DOCK8: variants seen among roughly 807,000 people sequenced by gnomAD.
The protein encoded by DOCK8 is dedicator of cytokinesis 8, also known as dedicator of cytokinesis protein 8.
DOCK8 carries 141 observed loss-of-function variants against 245.6 expected under a neutral mutation model. The ratio of observed to expected loss-of-function variants is 0.57; its 90% CI spans 0.50 to 0.66. The LOEUF (loss-of-function observed/expected upper bound fraction) is 0.66. Ranked by LOEUF, DOCK8 falls within the 30% of genes least tolerant of loss-of-function variation. The pLI is 0.00. For synonymous variants in DOCK8, 1,168 were observed against 970.2 expected, an observed-to-expected ratio of 1.20 and a Z score of -3.79; for missense variants, 2,965 against 2,603.4, an observed-to-expected ratio of 1.14 and a Z score of -3.02.
chr9:413,100 A>G (rs1164568671), intron 28 of DOCK8, among the ~76,000 whole-genome samples: 1 of 152,204 alleles, frequency 6.6e-6, no homozygotes, highest in East Asian at 1.9e-4. Flanking sequence ...TCCAAAAATA[A>G]ATCTTCATAT....
chr9:302,864 A>T (rs1282982161), intron 4 of DOCK8, among the ~76,000 whole-genome samples: 2 of 152,120 alleles, frequency 1.3e-5, no homozygotes, highest in Non-Finnish European at 2.9e-5. Context: ...CATGTGGCTT[A>T]TGCTTGTAAT....
rs778114411 is a variant in DOCK8, at chr9:328,041, G to T, written c.914G>T (p.Cys305Phe). Reference protein sequence around the residue: ...ERKKISENFHCDLNSDQFKGF... With the variant: ...ERKKISENFHFDLNSDQFKGF... ...TTACAGATCTCAGAAAATTTTCACT[G>T]TGACCTGAACTCTGACCAGTTCAAA... is the stretch of plus-strand genomic sequence containing the variant. The change falls in exon 9 of 48, where the codon TGT becomes TTT. Residue 305 changes from cysteine (C) to phenylalanine (F), a missense_variant. Physicochemically the swap from Cys to Phe is radical, Grantham distance 205. Coordinates refer to ENST00000432829, the MANE Select transcript of DOCK8 (RefSeq NM_203447.4). 1.9e-6 allele frequency: 3 copies of T among 1,614,138 alleles called. No individual in the cohort carries two copies. The Admixed American group carries it at 5.0e-5, about 27-fold the overall frequency.
intron 1 of DOCK8, among the ~76,000 whole-genome samples, chr9:253,189 T>A (rs1042732779): frequency 4.6e-5 from 7 of 152,170 alleles, no homozygotes; most frequent in African/African-American, 1.4e-4. Context: ...CTGTATGAAA[T>A]TAGGTGGATA....
At chr9:350,054 T>C (rs77113604) in intron 14 of DOCK8, among the ~76,000 whole-genome samples, 3,757 of 152,320 alleles carry the variant, frequency 0.025, 162 homozygotes, top group African/African-American at 0.086. Flanking sequence ...AGGAATCTCC[T>C]TGTGCTCCTC....
intron 18 of DOCK8, among the ~76,000 whole-genome samples, chr9:374,379 A>G (rs2053427856): frequency 6.6e-6 from 1 of 151,298 alleles, no homozygotes. Flanking sequence ...AATTTTTTAC[A>G]TTGATTACAT....
chr9:394,153 T>C (rs955710306), intron 24 of DOCK8, among the ~76,000 whole-genome samples: 1 of 152,192 alleles, frequency 6.6e-6, no homozygotes, highest in Non-Finnish European at 1.5e-5. Flanking sequence ...CCCTTGTTTG[T>C]GCTCCTGTTG....
chr9:261,569 A>C (rs1587682705), intron 1 of DOCK8, among the ~76,000 whole-genome samples: 1 of 152,200 alleles, frequency 6.6e-6, no homozygotes, highest in Non-Finnish European at 1.5e-5. Flanking sequence ...TGCAAGAAGA[A>C]TGTGTACTCT....
chr9:299,651 A>G (rs1045255078), intron 4 of DOCK8, among the ~76,000 whole-genome samples: 4 of 151,506 alleles, frequency 2.6e-5, no homozygotes, highest in Admixed American at 1.3e-4. Context: ...CATTTCCCCA[A>G]TTTAGCCTGC....
intron 26 of DOCK8, among the ~76,000 whole-genome samples, chr9:400,058 CCTCCTT>C (rs1200107982): frequency 1.8e-5 from 2 of 108,688 alleles, no homozygotes; most frequent in Non-Finnish European, 1.8e-5. Flanking sequence ...ACCATCACCA[CCTCCTT>C]CACCATCACC....
intron 14 of DOCK8, among the ~76,000 whole-genome samples, chr9:349,215 A>G (rs2052044434): frequency 6.6e-6 from 1 of 152,198 alleles, no homozygotes; most frequent in Non-Finnish European, 1.5e-5. Context: ...ATTGTTTAAA[A>G]CCATGGCTAA....
chr9:237,889 A>T (rs1002647844), intron 1 of DOCK8, among the ~76,000 whole-genome samples: 2 of 151,614 alleles, frequency 1.3e-5, no homozygotes, highest in African/African-American at 4.8e-5. Context: ...ATTAATTTAG[A>T]ATTCATATTT....
At chr9:449,223 G>T in intron 44 of DOCK8, among the ~76,000 whole-genome samples, 1 of 152,186 alleles carries the variant, frequency 6.6e-6, no homozygotes, top group East Asian at 1.9e-4. Flanking sequence ...GGTGGTGCAT[G>T]CCTGTAATCC....
chr9:328,987 TCA>T (rs1487388812), intron 9 of DOCK8, among the ~76,000 whole-genome samples: 31 of 144,854 alleles, frequency 2.1e-4, no homozygotes, highest in African/African-American at 8.1e-4. Flanking sequence ...TTTGCTCTTG[TCA>T]CCCAGGCTGG....
intron 1 of DOCK8, among the ~76,000 whole-genome samples, chr9:259,459 G>A (rs2047864931): frequency 1.3e-5 from 2 of 152,262 alleles, no homozygotes; most frequent in Non-Finnish European, 1.5e-5. Flanking sequence ...CATATAATAA[G>A]CATAGTAACT....
Position 418,146 on chromosome 9 carries a change from C to T in DOCK8, c.3779C>T (p.Ala1260Val), listed in dbSNP as rs1161168585. The T allele has an allele frequency of 1.9e-6, 3 of 1,614,110 alleles. No homozygotes were observed. Among genetic ancestry groups the T allele is most frequent in the African/African-American group, 2.7e-5 (2 of 74,938 alleles). The change falls in exon 30 of 48, where the codon GCT becomes GTT. Residue 1260 changes from alanine (A) to valine (V), a missense_variant. Physicochemically the swap from Ala to Val is moderately conservative, Grantham distance 64 (BLOSUM62 0). Coordinates refer to ENST00000432829, the MANE Select transcript of DOCK8 (RefSeq NM_203447.4). ...EGAGAINQNVALAIAGNNFNL... is the reference protein window; with the variant it reads ...EGAGAINQNVVLAIAGNNFNL... ...GCCGGTGCCATTAACCAGAATGTGG[C>T]TCTGGCCATAGCAGGGAATAATTTC...
At chr9:449,516 A>G (rs144600023) in intron 44 of DOCK8, among the ~76,000 whole-genome samples, 117 of 152,344 alleles carry the variant, frequency 7.7e-4, no homozygotes, top group Middle Eastern at 6.8e-3. Context: ...TAACCTTACA[A>G]ATCCCCCTTT....
chr9:394,862 C>G (rs113507347), intron 24 of DOCK8, among the ~76,000 whole-genome samples: 18 of 152,312 alleles, frequency 1.2e-4, no homozygotes, highest in African/African-American at 4.3e-4. Flanking sequence ...CAGTAGCTGG[C>G]AAGCTGCTGA....
intron 1 of DOCK8, chr9:220,631 T>G (rs2046859153): frequency 1.1e-4 from 32 of 301,874 alleles, no homozygotes; most frequent in South Asian, 8.0e-4. Context: ...TGGCAGGTGC[T>G]TATTAACGTT....
intron 28 of DOCK8, among the ~76,000 whole-genome samples, chr9:410,266 C>T (rs950960387): frequency 6.6e-6 from 1 of 152,112 alleles, no homozygotes; most frequent in African/African-American, 2.4e-5. Context: ...GTTACAGGCC[C>T]CCCTCAAGTA....
Sources: allele counts gnomAD v4.1 joint callset (sites outside exome capture counted in the v4.1 genomes callset), GRCh38; gene constraint gnomAD v4.1.1; transcripts MANE v1.5; gene names NCBI Gene and HGNC (gene_info 2026-07-23, HGNC 2026-07-21).